Variants in SHROOM2 observed in about 807,000 individuals in gnomAD.
The protein encoded by SHROOM2 is shroom family member 2, also known as protein Shroom2.
SHROOM2 carries 33 observed loss-of-function variants against 75.9 expected under a neutral mutation model. The observed-to-expected ratio is 0.43, with a 90% confidence interval of 0.33 to 0.58. The LOEUF (loss-of-function observed/expected upper bound fraction) is 0.58, where lower values mean the gene tolerates loss of function less well. SHROOM2 is among the 20% of genes least tolerant of loss of function. The probability of loss-of-function intolerance (pLI) is 0.04; values close to 1 mark genes in which losing one functional copy is unlikely to be tolerated. For missense variants in SHROOM2, 1,434 were observed against 1,461.2 expected, an observed-to-expected ratio of 0.98 and a Z score of 0.30; for synonymous variants, 655 against 663.6, an observed-to-expected ratio of 0.99 and a Z score of 0.20.
In SHROOM2 at chrX:9,898,229, G is replaced by A. The variant is rs375921653; in HGVS notation, c.2830G>A (p.Gly944Ser). Residue 944 changes from glycine (G) to serine (S), a missense_variant, in exon 5 of 10, where the codon GGC becomes AGC. Around this residue, in one of 3 missense-constraint regions of SHROOM2, gnomAD observed 1,340 missense variants for 1,338.3 expected, o/e 1.00. Coordinates refer to ENST00000380913, the MANE Select transcript of SHROOM2 (RefSeq NM_001649.4). ...ACTGCGAAGGCAGGCAGGGGACCCC[G>A]GCGAGCCCAGAGAAGAGCTTCCCTC... Reference protein sequence around the residue: ...VELRRQAGDPGEPREELPSAV... With the variant: ...VELRRQAGDPSEPREELPSAV... 16 of 1,186,919 alleles carry A rather than the reference G, an allele frequency of 1.3e-5. No individual in the cohort carries two copies. Among genetic ancestry groups the A allele is most frequent in the Admixed American group, 2.4e-5 (1 of 42,272 alleles).
chrX:9,804,437 CT>C (rs201375501), intron 1 of SHROOM2, among the ~76,000 whole-genome samples: 1,446 of 112,427 alleles, frequency 0.013, 18 homozygotes, highest in African/African-American at 0.044. Context: ...CTGGTAGCAT[CT>C]TAGTGAATCA....
At chrX:9,838,220 C>T (rs1219080312) in intron 1 of SHROOM2, among the ~76,000 whole-genome samples, 1 of 109,178 alleles carries the variant, frequency 9.2e-6, no homozygotes, top group East Asian at 2.9e-4. Flanking sequence ...GCCACCACGC[C>T]CGGCTAATTT....
At chrX:9,786,762 CGGGGCGCGTCGAGGTA>C in intron 1 of SHROOM2, 52 bp downstream of exon 1, 1 of 832,163 alleles carries the variant, frequency 1.2e-6, no homozygotes, top group Non-Finnish European at 1.5e-6. Context: ...GGCCGCCCTG[CGGGGCGCGTCGAGGTA>C]GGGGCGCGGG....
chrX:9,791,978 A>G (rs1390984859), intron 1 of SHROOM2, among the ~76,000 whole-genome samples: 7 of 32 alleles, frequency 0.22, 2 homozygotes, highest in African/African-American at 0.36. Context: ...CGAGAATAGA[A>G]TAGAATAGAA....
At chrX:9,835,569 A>G (rs951813011) in intron 1 of SHROOM2, among the ~76,000 whole-genome samples, 1 of 112,526 alleles carries the variant, frequency 8.9e-6, no homozygotes, top group Non-Finnish European at 1.9e-5. Context: ...TATACCTCAA[A>G]GAAGGGTTGT....
intron 1 of SHROOM2, among the ~76,000 whole-genome samples, chrX:9,833,047 C>T (rs1237929678): frequency 9.0e-6 from 1 of 110,757 alleles, no homozygotes; most frequent in Non-Finnish European, 1.9e-5. Flanking sequence ...TTTACTTCTA[C>T]TTAACAAATG....
chrX:9,792,106 G>C (rs1327106558), intron 1 of SHROOM2, among the ~76,000 whole-genome samples: 1 of 17,547 alleles, frequency 5.7e-5, no homozygotes. Flanking sequence ...GAATAGAATA[G>C]AATAGAATAG....
intron 7 of SHROOM2, 70 bp from the exon 8 acceptor site, chrX:9,939,125 A>AG: frequency 2.0e-6 from 2 of 985,893 alleles, no homozygotes; most frequent in Non-Finnish European, 2.7e-6. Flanking sequence ...GTCACAACCC[A>AG]GGGGGTGGGG....
chrX:9,830,471 A>G (rs2146758836), intron 1 of SHROOM2, among the ~76,000 whole-genome samples: 1 of 110,592 alleles, frequency 9.0e-6, no homozygotes, highest in East Asian at 2.8e-4. Context: ...TTTCCGACAT[A>G]GAGCTTGATA....
chrX:9,874,383 G>A (rs1046343500), intron 2 of SHROOM2, among the ~76,000 whole-genome samples: 4 of 112,275 alleles, frequency 3.6e-5, no homozygotes, highest in Non-Finnish European at 7.5e-5. Context: ...TACCACAAGA[G>A]TGTTGGTGAT....
At chrX:9,907,233 T>C (rs1282931821) in intron 5 of SHROOM2, among the ~76,000 whole-genome samples, 1 of 111,632 alleles carries the variant, frequency 9.0e-6, no homozygotes, top group East Asian at 2.8e-4. Flanking sequence ...TGTTTCTTTC[T>C]GTGAGTCAGC....
At chrX:9,909,390 G>A in intron 5 of SHROOM2, among the ~76,000 whole-genome samples, 1 of 112,865 alleles carries the variant, frequency 8.9e-6, no homozygotes, top group East Asian at 2.8e-4. Context: ...ACTTTATGTA[G>A]CTACTGTGCC....
chrX:9,937,696 G>T lies in SHROOM2; in HGVS notation c.4139+11G>T. On this transcript the variant is annotated intron_variant, in intron 7 of 9. Transcript: ENST00000380913. ...AAGCACAGAGGAGAGGTGAGTAGGC[G>T]TGGCCTCCCAGCTTGGGCGTGACTC... The T allele has an allele frequency of 8.7e-7, 1 of 1,150,126 alleles. No homozygotes were observed. The highest frequency in any genetic ancestry group is 1.2e-6 in the Non-Finnish European group (1 of 862,086). 94.8% of individuals were successfully genotyped at this position (1,150,126 alleles called of 1,213,427 possible). A position where few individuals can be genotyped will look rare whatever the true frequency, so the allele number is the denominator to read the frequency against.
chrX:9,941,833 T>C lies in SHROOM2; in HGVS notation c.4311+2467T>C, dbSNP rs5979214. 5.0e-3 allele frequency among the ~76,000 whole-genome samples: 536 copies of C among 108,177 alleles called. 7 individuals are homozygous for C. Among genetic ancestry groups the C allele is most frequent in the African/African-American group, 0.017 (503 of 29,940 alleles). 93.9% of individuals were successfully genotyped at this position (108,177 alleles called of 115,157 possible). A position where few individuals can be genotyped will look rare whatever the true frequency, so the allele number is the denominator to read the frequency against. ...AAAAATACAAAAAATTAGCCAGGCG[T>C]GGTGGCGGGCGCCTGTAGTCCCAGC... On this transcript the variant is annotated intron_variant, in intron 8 of 9. Transcript: ENST00000380913.
intron 1 of SHROOM2, among the ~76,000 whole-genome samples, chrX:9,841,581 A>T (rs2083979861): frequency 1.8e-5 from 2 of 111,900 alleles, no homozygotes; most frequent in South Asian, 7.4e-4. Context: ...ATCCAGGCTG[A>T]TGAGTCCTGC....
intron 5 of SHROOM2, among the ~76,000 whole-genome samples, chrX:9,900,014 G>A (rs1286095862): frequency 3.6e-5 from 4 of 111,817 alleles, no homozygotes; most frequent in African/African-American, 1.3e-4. Flanking sequence ...CAGCTGTCAC[G>A]TGCAGGCTGT....
chrX:9,834,956 C>T (rs1454389691), intron 1 of SHROOM2, among the ~76,000 whole-genome samples: 1 of 112,714 alleles, frequency 8.9e-6, no homozygotes, highest in Non-Finnish European at 1.9e-5. Context: ...AAACAGGTGG[C>T]GCTCCATCAG....
At chrX:9,835,101 A>G (rs1237766341) in intron 1 of SHROOM2, among the ~76,000 whole-genome samples, 1 of 111,916 alleles carries the variant, frequency 8.9e-6, no homozygotes, top group African/African-American at 3.3e-5. Context: ...TTCACCTTGA[A>G]AACAACTCAC....
At chrX:9,804,163 G>A (rs1008609931) in intron 1 of SHROOM2, among the ~76,000 whole-genome samples, 1 of 111,458 alleles carries the variant, frequency 9.0e-6, no homozygotes. Context: ...CAGTGGATGA[G>A]GTCTTTGGAG....
Sources: gnomAD v4.1 joint callset for allele counts (sites outside exome capture counted in the v4.1 genomes callset) on GRCh38, gnomAD v4.1.1 for gene constraint, gnomAD v4.1.1 regional missense constraint, MANE v1.5 for transcripts, NCBI Gene and HGNC (gene_info 2026-07-23, HGNC 2026-07-21) for gene names.